Variants in KIF21B observed in about 807,000 individuals in gnomAD.
KIF21B encodes kinesin family member 21B, also known as kinesin-like protein KIF21B.
KIF21B carries 85 observed loss-of-function variants against 192.9 expected under a neutral mutation model. The observed-to-expected ratio is 0.44, with a 90% CI of 0.37 to 0.53. The LOEUF is 0.53. KIF21B is among the 20% of genes least tolerant of loss of function. The pLI, the probability that KIF21B is intolerant of heterozygous loss-of-function variation, is 0.00. For missense variants in KIF21B, 1,716 were observed against 2,194.8 expected (o/e 0.78, Z 4.36); for synonymous variants, 832 against 884.6 (o/e 0.94, Z 1.05).
In KIF21B at chr1:201,023,206, C is replaced by T; in HGVS notation, c.41+137G>A. ...AGACTGGCCAGCGCGCGGCGCCCTC[C>T]ATCCCGTCCCACGCCGGCCCCTCCT... On this transcript the variant is annotated intron_variant, in intron 1 of 34. Transcript: ENST00000461742. This position sits in a 1 kb window ranked among gnomAD's most constrained non-coding sequence, Gnocchi z 5.9. 1 of 666,852 alleles carries T rather than the reference C, an allele frequency of 1.5e-6. No individual in the cohort carries two copies. Among genetic ancestry groups the T allele is most frequent in the Non-Finnish European group, 2.2e-6 (1 of 445,434 alleles). 41.3% of individuals were successfully genotyped at this position (666,852 alleles called of 1,614,324 possible). A position where few individuals can be genotyped will look rare whatever the true frequency, so the allele number is the denominator to read the frequency against.
chr1:200,993,666 C>T (rs1008462095), intron 15 of KIF21B, among the ~76,000 whole-genome samples: 27 of 151,634 alleles, frequency 1.8e-4, no homozygotes, highest in African/African-American at 5.1e-4. Context: ...AGGAGGATTA[C>T]TTAAGCCCAG....
At chr1:201,010,844 A>G (rs1658192948) in intron 1 of KIF21B, among the ~76,000 whole-genome samples, 1 of 151,836 alleles carries the variant, frequency 6.6e-6, no homozygotes, top group South Asian at 2.1e-4. Flanking sequence ...ACCTGAGCCT[A>G]TTGCCTGCAC....
In KIF21B at chr1:200,972,226, A is replaced by G. The variant is rs1243309360; in HGVS notation, c.*1295T>C. 1 of 152,336 alleles carries G rather than the reference A, an allele frequency of 6.6e-6. No individual in the cohort carries two copies. The highest frequency in any genetic ancestry group is 1.5e-5 in the Non-Finnish European group (1 of 68,028). The allele number at this position is 152,336 out of a possible 1,614,324, so 9.4% of individuals were successfully genotyped here. ...AACTCTGCCAACTCCCTCTTCCTTG[A>G]TAATTTTCTGCAAGGGAGGGCCTGC... is the stretch of plus-strand genomic sequence containing the variant. On this transcript the variant is annotated 3_prime_UTR_variant, in exon 35 of 35. Coordinates refer to ENST00000461742, the MANE Select transcript of KIF21B (RefSeq NM_001252102.2).
At chr1:201,013,993 A>G (rs1477860601) in intron 1 of KIF21B, among the ~76,000 whole-genome samples, 1 of 152,184 alleles carries the variant, frequency 6.6e-6, no homozygotes, top group African/African-American at 2.4e-5. Flanking sequence ...CCGGCTGGAC[A>G]GCCCCACTCA....
chr1:201,003,550 A>T lies in KIF21B; in HGVS notation c.1212+36T>A, dbSNP rs750580753. The stretch of plus-strand genomic sequence containing the variant: ...GGGTGCATATGGAGCACTAGCTCCA[A>T]GGGGAGTGCTGGGCAATGCCCAGGA... On this transcript the variant is annotated intron_variant, in intron 8 of 34. Transcript: ENST00000461742. The T allele has an allele frequency of 1.9e-6, 3 of 1,607,492 alleles. No individual in the cohort carries two copies. The East Asian group carries it at 6.7e-5, about 36-fold the overall frequency.
chr1:201,001,546 A>T (rs1657499480), intron 9 of KIF21B: 1 of 152,820 alleles, frequency 6.5e-6, no homozygotes, highest in Non-Finnish European at 1.5e-5. Context: ...ACATCTGGCT[A>T]ATTTTTGTAT....
chr1:201,012,061 G>C (rs1277130615), intron 1 of KIF21B, among the ~76,000 whole-genome samples: 1 of 152,198 alleles, frequency 6.6e-6, no homozygotes, highest in Non-Finnish European at 1.5e-5. Flanking sequence ...GGATATAGAG[G>C]AGGAGACCCC....
intron 24 of KIF21B, 57 bp from the exon 25 acceptor site, chr1:200,987,258 G>C: frequency 6.8e-7 from 1 of 1,479,172 alleles, no homozygotes; most frequent in South Asian, 1.3e-5. Flanking sequence ...CACATAAAGG[G>C]GAGCCAGGGG....
rs779179528 is a variant in KIF21B at position 201,004,893 on chromosome 1, G to A, written c.773C>T (p.Pro258Leu). The A allele has an allele frequency of 3.7e-6, 6 of 1,611,464 alleles. No homozygotes were observed. Among genetic ancestry groups the A allele is most frequent in the East Asian group, 2.2e-5 (1 of 44,804 alleles). ...AVTGLPDGTP[P>L]SSEYETLTAK... ...AGTGAGTGTCTCATACTCACTCGAGGGAGGTGTACCATCAGGAAGCCCAGT... is the reference window on the plus strand; with the variant it reads ...AGTGAGTGTCTCATACTCACTCGAGAGAGGTGTACCATCAGGAAGCCCAGT... Residue 258 changes from proline to leucine, a missense_variant, in exon 6 of 35, where the codon CCC becomes CTC. Coordinates refer to ENST00000461742, the MANE Select transcript of KIF21B (RefSeq NM_001252102.2).
In KIF21B at chr1:200,976,855, G is replaced by A. The variant is rs1557996390; in HGVS notation, c.4364C>T (p.Pro1455Leu). 6.2e-7 allele frequency: 1 copy of A among 1,612,868 alleles called. No individual in the cohort carries two copies. The change falls in exon 32 of 35, where the codon CCT (proline) becomes CTT (leucine). Residue 1455 changes from proline (P) to leucine (L), a missense_variant. Pro to Leu is a moderately conservative substitution (Grantham distance 98). Coordinates refer to ENST00000461742, the MANE Select transcript of KIF21B (RefSeq NM_001252102.2). Reference protein sequence around the residue: ...PVGKLTGHIGPVMCLTVTQTA... With the variant: ...PVGKLTGHIGLVMCLTVTQTA... ...CTGGGTGACCGTCAGGCACATCACA[G>A]GGCCGATGTGGCCAGTCAGCTTGCC...
chr1:201,019,249 T>A (rs190445110), intron 1 of KIF21B, among the ~76,000 whole-genome samples: 19 of 152,160 alleles, frequency 1.2e-4, no homozygotes, highest in Non-Finnish European at 2.5e-4. Flanking sequence ...CCATTTTTTT[T>A]AAAAAAACAT....
At chr1:201,002,398 T>G (rs1571951716) in intron 8 of KIF21B, 48 bp from the exon 9 acceptor site, 1 of 1,568,364 alleles carries the variant, frequency 6.4e-7, no homozygotes, top group Non-Finnish European at 8.8e-7. Flanking sequence ...AGCTCGCGGT[T>G]GGGGGGGTAA....
In KIF21B at chr1:201,004,894, G is replaced by T. The variant is rs971598271; in HGVS notation, c.772C>A (p.Pro258Thr). The T allele has an allele frequency of 5.0e-6, 8 of 1,611,880 alleles. No homozygotes were observed. The East Asian group carries it at 1.8e-4, about 36-fold the overall frequency. The change falls in exon 6 of 35, where the codon CCC becomes ACC. Residue 258 changes from proline to threonine, a missense_variant. Physicochemically the swap from Pro to Thr is conservative, Grantham distance 38. Coordinates refer to ENST00000461742, the MANE Select transcript of KIF21B (RefSeq NM_001252102.2). ...AVTGLPDGTP[P>T]SSEYETLTAK... ...GTGAGTGTCTCATACTCACTCGAGGGAGGTGTACCATCAGGAAGCCCAGTC... is the reference window on the plus strand; with the variant it reads ...GTGAGTGTCTCATACTCACTCGAGGTAGGTGTACCATCAGGAAGCCCAGTC...
At chr1:200,983,970 G>T (rs1016093205) in intron 27 of KIF21B, among the ~76,000 whole-genome samples, 1 of 152,196 alleles carries the variant, frequency 6.6e-6, no homozygotes, top group African/African-American at 2.4e-5. Context: ...TCTAGTGTGA[G>T]ACTCCCCTGA....
chr1:201,000,425 C>G lies in KIF21B; in HGVS notation c.1650G>C (p.Arg550=), dbSNP rs1315941380. The G allele has an allele frequency of 6.4e-7, 1 of 1,564,034 alleles. No homozygotes were observed. The highest frequency in any genetic ancestry group is 8.6e-7 in the Non-Finnish European group (1 of 1,160,078). ...GCTGCCTGACCTCCTTCTTCTTTAG[C>G]CGCTCCAGGTCCTGCTTGGCCCTGC... ...VIRRAKQDLE[R]LKKKEVRQRR... Residue 550 remains arginine (R), a synonymous_variant, in exon 11 of 35, where the codon CGG becomes CGC. Transcript: ENST00000461742. The surrounding 1 kb of genome is among the most constrained non-coding windows in gnomAD (Gnocchi z 6.0).
chr1:200,989,040 C>T (rs1656501006), intron 21 of KIF21B, 109 bp from the exon 22 acceptor site: 1 of 1,111,960 alleles, frequency 9.0e-7, no homozygotes, highest in Admixed American at 2.8e-5. Context: ...TTTCCAGCTC[C>T]CAACATCACC....
At chr1:200,977,127 C>G in intron 31 of KIF21B, 85 bp downstream of exon 31, 6 of 1,509,770 alleles carry the variant, frequency 4.0e-6, no homozygotes, top group Non-Finnish European at 5.4e-6. Flanking sequence ...TCCTACCCAC[C>G]CTGGGGTGGG....
chr1:201,007,743 T>G (rs764298068), intron 3 of KIF21B, among the ~76,000 whole-genome samples: 2 of 134,222 alleles, frequency 1.5e-5, no homozygotes, highest in Non-Finnish European at 3.1e-5. Flanking sequence ...CACACACACA[T>G]ACACAGATGC....
rs748729479 is a variant in KIF21B at position 200,975,475 on chromosome 1, C to T, written c.4614+24G>A. ...GGAAACCACCCTACCCGAGTCTACC[C>T]TCTCCCTTTCCTCCTGACCCCACCT... On this transcript the variant is annotated intron_variant, in intron 33 of 34. Coordinates refer to ENST00000461742, the MANE Select transcript of KIF21B (RefSeq NM_001252102.2). This position sits in a 1 kb window ranked among gnomAD's most constrained non-coding sequence, Gnocchi z 4.3. 1.9e-6 allele frequency: 3 copies of T among 1,597,704 alleles called. No homozygotes were observed. The highest frequency in any genetic ancestry group is 4.5e-5 in the East Asian group (2 of 44,534).
Sources: gnomAD v4.1 joint callset for allele counts (sites outside exome capture counted in the v4.1 genomes callset) on GRCh38, gnomAD v4.1.1 for gene constraint, Gnocchi (gnomAD v3.1) non-coding constraint, MANE v1.5 for transcripts, NCBI Gene and HGNC (gene_info 2026-07-23, HGNC 2026-07-21) for gene names.